Variants in AMY2B observed in about 807,000 individuals in gnomAD.
AMY2B encodes the protein amylase alpha 2B, also known as alpha-amylase 2B.
Under a neutral mutation model 59.3 loss-of-function variants are expected in AMY2B, and 63 were observed. The observed-to-expected ratio is 1.06, with a 90% CI of 0.87 to 1.31. AMY2B has a LOEUF of 1.31. AMY2B is among the 50% of genes most tolerant of loss of function. The pLI is 0.00. For missense variants in AMY2B, 635 were observed against 626.7 expected, an observed-to-expected ratio of 1.01 and a Z score of -0.14; for synonymous variants, 180 against 198.1, an observed-to-expected ratio of 0.91 and a Z score of 0.77.
At chr1:103,568,108 G>C (rs565656261), upstream of AMY2B, among the ~76,000 whole-genome samples, 1 of 152,242 alleles carries the variant, frequency 6.6e-6, no homozygotes, top group East Asian at 1.9e-4. Flanking sequence ...TGCTATTACT[G>C]TTATTTACTA....
chr1:103,571,818 T>G (rs1652143826), intron 1 of AMY2B, 48 bp downstream of exon 1: 3 of 1,611,940 alleles, frequency 1.9e-6, no homozygotes, highest in Non-Finnish European at 2.5e-6. Flanking sequence ...ATGCTTGTAG[T>G]AAATAGTATT....
At position 103,572,113 on chromosome 1, in the gene AMY2B, T is replaced by C. The variant is rs746610299; in HGVS notation, c.172T>C (p.Ser58Pro). ...APKGFGGVQV[S>P]PPNENVAIHN... ...ATGAAGACTGTTTAATTTGTAGGTCTCTCCACCAAATGAAAATGTTGCAAT... is the reference window on the plus strand; with the variant it reads ...ATGAAGACTGTTTAATTTGTAGGTCCCTCCACCAAATGAAAATGTTGCAAT... The change falls in exon 2 of 10, where the codon TCT becomes CCT. Residue 58 changes from serine (S) to proline (P), a missense_variant. Transcript: ENST00000684275. 37 of 1,611,678 alleles carry C rather than the reference T, an allele frequency of 2.3e-5. No homozygotes were observed. In the Admixed American group the frequency reaches 5.8e-4, roughly 25 times the overall value.
upstream of AMY2B, chr1:103,571,256 G>GT (rs1230604057): frequency 2.8e-6 from 2 of 725,734 alleles, no homozygotes; most frequent in Non-Finnish European, 3.8e-6. Flanking sequence ...TTTATGTAAA[G>GT]TTTTTTTGTA....
At chr1:103,578,629 C>T (rs1403112902) in intron 9 of AMY2B, among the ~76,000 whole-genome samples, 3 of 151,900 alleles carry the variant, frequency 2.0e-5, no homozygotes, top group African/African-American at 4.8e-5. Flanking sequence ...CTCTTTCCTG[C>T]CAAAAAAGCC....
Position 103,579,423 on chromosome 1 carries a change from G to T in AMY2B, c.1459G>T (p.Asp487Tyr), listed in dbSNP as rs150795802. The T allele has an allele frequency of 5.0e-6, 8 of 1,611,640 alleles. No individual in the cohort carries two copies. The highest frequency in any genetic ancestry group is 1.7e-5 in the Admixed American group (1 of 59,984). The change falls in exon 10 of 10, where the codon GAT becomes TAT. Residue 487 changes from aspartate to tyrosine, a missense_variant. Coordinates refer to ENST00000684275, the MANE Select transcript of AMY2B (RefSeq NM_001387437.1). ...CTGIKIYVSD[D>Y]GKAHFSISNS... ...AGGCATTAAAATCTACGTTTCTGAC[G>T]ATGGCAAAGCTCATTTTTCTATTAG...
intron 3 of AMY2B, 44 bp from the exon 4 acceptor site, chr1:103,573,664 A>C (rs1471623354): frequency 6.2e-7 from 1 of 1,610,832 alleles, no homozygotes; most frequent in African/African-American, 1.3e-5. Context: ...CTCATGTGAA[A>C]AATGAGGTTT....
chr1:103,572,097 G>T lies in AMY2B; in HGVS notation c.169-13G>T. On this transcript the variant is annotated splice_polypyrimidine_tract_variant and intron_variant, in intron 1 of 9. Transcript: ENST00000684275. ...TAAGAATTTGGTAGTTATGAAGACT[G>T]TTTAATTTGTAGGTCTCTCCACCAA... 6.2e-7 allele frequency: 1 copy of T among 1,611,666 alleles called. No individual in the cohort carries two copies. Among genetic ancestry groups the T allele is most frequent in the Non-Finnish European group, 8.5e-7 (1 of 1,179,662 alleles).
At position 103,572,259 on chromosome 1, in the gene AMY2B, A is replaced by G. The variant is rs200828489; in HGVS notation, c.315+3A>G. 176 of 1,608,116 alleles carry G rather than the reference A, an allele frequency of 1.1e-4. No homozygotes were observed. Among genetic ancestry groups the G allele is most frequent in the Admixed American group, 3.3e-5 (2 of 59,760 alleles). On this transcript the variant is annotated splice_donor_region_variant and intron_variant, in intron 2 of 9. Coordinates refer to ENST00000684275, the MANE Select transcript of AMY2B (RefSeq NM_001387437.1). ...TGACTAGATGTAACAATGTTGGGGT[A>G]AGTGAATTCTAGTTTCCTTGAAAAA...
exon 1 of AMY2B, chr1:103,555,029 T>C (rs1175748215): frequency 6.6e-6 from 1 of 152,080 alleles, no homozygotes; most frequent in Non-Finnish European, 1.5e-5. Context: ...TTTATGATGT[T>C]TTAGGTTTTT....
At chr1:103,570,977 G>C (rs1652107142), upstream of AMY2B, 1 of 353,852 alleles carries the variant, frequency 2.8e-6, no homozygotes, top group Non-Finnish European at 5.3e-6. Context: ...GACAAGTCTG[G>C]CTTGGTGAGT....
intron 2 of AMY2B, 109 bp from the exon 3 acceptor site, chr1:103,572,954 A>T: frequency 6.3e-7 from 1 of 1,584,710 alleles, no homozygotes; most frequent in East Asian, 2.2e-5. Context: ...GTTATAAGAT[A>T]TCATGAAATA....
At chr1:103,570,849 C>G (rs1211066085), upstream of AMY2B, 6 of 399,670 alleles carry the variant, frequency 1.5e-5, no homozygotes, top group Non-Finnish European at 3.0e-5. Flanking sequence ...AGAACTTGTT[C>G]CTGATTTTGA....
chr1:103,570,004 G>T, upstream of AMY2B: 2 of 445,364 alleles, frequency 4.5e-6, no homozygotes, highest in East Asian at 1.1e-4. Flanking sequence ...CACTGGCATT[G>T]TCATGGGCTT....
intron 1 of AMY2B, among the ~76,000 whole-genome samples, chr1:103,564,152 T>G (rs1318327301): frequency 6.6e-6 from 1 of 152,200 alleles, no homozygotes; most frequent in African/African-American, 2.4e-5. Context: ...ATTATTCGTT[T>G]AATCACAATA....
upstream of AMY2B, chr1:103,570,586 C>A (rs776061491): frequency 1.8e-5 from 11 of 595,794 alleles, no homozygotes; most frequent in Non-Finnish European, 3.6e-5. Context: ...TCCATCCTGG[C>A]CTCACTGTCA....
upstream of AMY2B, chr1:103,568,285 C>G (rs920017359): frequency 3.3e-5 from 5 of 152,140 alleles, no homozygotes; most frequent in African/African-American, 1.2e-4. Context: ...TACTATTACT[C>G]CCTTTCATAG....
At chr1:103,576,899 C>T (rs750868416) in intron 7 of AMY2B, among the ~76,000 whole-genome samples, 12 of 152,042 alleles carry the variant, frequency 7.9e-5, no homozygotes, top group Non-Finnish European at 1.6e-4. Context: ...GTACTAATGC[C>T]CTTCCCATTT....
At chr1:103,575,118 T>A in intron 5 of AMY2B, 105 bp from the exon 6 acceptor site, 1 of 1,520,582 alleles carries the variant, frequency 6.6e-7, no homozygotes, top group Non-Finnish European at 8.9e-7. Flanking sequence ...AGAGAAAGAA[T>A]TTAATCTTCA....
At position 103,573,062 on chromosome 1, in the gene AMY2B, G is replaced by A. The variant is rs564253866; in HGVS notation, c.316-1G>A. On this transcript the variant is annotated splice_acceptor_variant, in intron 2 of 9. Coordinates refer to ENST00000684275, the MANE Select transcript of AMY2B (RefSeq NM_001387437.1). LOFTEE classifies it high-confidence loss of function. ...ACTGAAGTAGAAACTTTGCTTTCTA[G>A]GTTCGTATTTATGTGGATGCTGTAA... 4.4e-5 allele frequency: 71 copies of A among 1,613,376 alleles called. 1 individual carries two copies. The South Asian group carries it at 7.4e-4, about 17-fold the overall frequency.
Sources: allele counts gnomAD v4.1 joint callset (sites outside exome capture counted in the v4.1 genomes callset), GRCh38; gene constraint gnomAD v4.1.1; transcripts MANE v1.5; gene names NCBI Gene and HGNC (gene_info 2026-07-23, HGNC 2026-07-21).